The following MECOM variants were observed in gnomAD, a reference collection of about 807,000 sequenced individuals.
MECOM encodes histone-lysine N-methyltransferase MECOM.
In MECOM, 13 loss-of-function variants were observed where a neutral mutation model predicts 116.3. The observed-to-expected ratio is 0.11, with a 90% CI of 0.07 to 0.18. The LOEUF is 0.18. Among genes scored for constraint, MECOM ranks in the 10% least tolerant of loss-of-function variants. MECOM has a pLI of 1.00. For synonymous variants in MECOM, 528 were observed against 535.2 expected, an observed-to-expected ratio of 0.99 and a Z score of 0.19; for missense variants, 1,299 against 1,509.0, an observed-to-expected ratio of 0.86 and a Z score of 2.31.
chr3:169,211,902 AC>A (rs1750776276), intron 2 of MECOM, among the ~76,000 whole-genome samples: 1 of 151,864 alleles, frequency 6.6e-6, no homozygotes, highest in East Asian at 1.9e-4. Context: ...CTTTTGAAGT[AC>A]CCTCCTCCCT....
At chr3:169,566,061 G>C in intron 1 of MECOM, 1 of 376,228 alleles carries the variant, frequency 2.7e-6, no homozygotes, top group Non-Finnish European at 5.2e-6. Context: ...AGGCAGGAGA[G>C]AGAAAGAGCA....
chr3:169,555,624 C>G (rs2109332152), intron 1 of MECOM, among the ~76,000 whole-genome samples: 1 of 152,264 alleles, frequency 6.6e-6, no homozygotes, highest in East Asian at 1.9e-4. Context: ...TCTTGAATGC[C>G]CAGCCTGACC....
rs539118127 is a variant in MECOM, at chr3:169,095,816, C to G, written c.2850-571G>C. On this transcript the variant is annotated intron_variant, in intron 12 of 16. Transcript: ENST00000651503. Reference sequence around the variant, plus strand: ...TACCCAAGAATCAGCTACCACAAAGCCTTTTCTCTGTTAATCTTTAAACTG... The same window carrying G: ...TACCCAAGAATCAGCTACCACAAAGGCTTTTCTCTGTTAATCTTTAAACTG... Among the ~76,000 whole-genome samples the G allele has an allele frequency of 5.9e-5, 9 of 152,060 alleles. No homozygotes were observed. The South Asian group carries it at 1.2e-3, about 21-fold the overall frequency.
chr3:169,409,812 C>A (rs888273048), intron 1 of MECOM, among the ~76,000 whole-genome samples: 1 of 152,162 alleles, frequency 6.6e-6, no homozygotes. Flanking sequence ...GAAGAGCATG[C>A]ATCCATTGAA....
chr3:169,249,454 C>T (rs553576767), intron 2 of MECOM, among the ~76,000 whole-genome samples: 1 of 152,300 alleles, frequency 6.6e-6, no homozygotes, highest in South Asian at 2.1e-4. Context: ...GGCTCCCGGT[C>T]CAAGGCAGAG....
chr3:169,480,027 T>C (rs538076553), intron 1 of MECOM, among the ~76,000 whole-genome samples: 1 of 152,312 alleles, frequency 6.6e-6, no homozygotes, highest in Admixed American at 6.5e-5. Context: ...CTTTCCACAG[T>C]GAAGACAATG....
intron 1 of MECOM, among the ~76,000 whole-genome samples, chr3:169,403,240 G>T (rs1214717748): frequency 6.6e-6 from 1 of 152,096 alleles, no homozygotes; most frequent in African/African-American, 2.4e-5. Context: ...AAGGAGATCT[G>T]ATCCTTCCCC....
chr3:169,612,293 AC>A (rs970669820), intron 1 of MECOM, among the ~76,000 whole-genome samples: 1 of 152,184 alleles, frequency 6.6e-6, no homozygotes, highest in African/African-American at 2.4e-5. Flanking sequence ...AATCATGGCT[AC>A]CCCTTTAGAT....
At chr3:169,570,528 C>T (rs1038663757) in intron 1 of MECOM, among the ~76,000 whole-genome samples, 2 of 152,060 alleles carry the variant, frequency 1.3e-5, no homozygotes, top group East Asian at 1.9e-4. Context: ...CTGAAAAAGA[C>T]ACATTAAAAA....
intron 1 of MECOM, among the ~76,000 whole-genome samples, chr3:169,398,844 G>T (rs549217534): frequency 1.3e-5 from 2 of 152,138 alleles, no homozygotes; most frequent in African/African-American, 4.8e-5. Flanking sequence ...AAAAAGCAGG[G>T]TGAAATGTAT....
chr3:169,475,310 G>A (rs1265138284), intron 1 of MECOM, among the ~76,000 whole-genome samples: 1 of 152,124 alleles, frequency 6.6e-6, no homozygotes, highest in Non-Finnish European at 1.5e-5. Context: ...TTCTAACCCT[G>A]ACAAGCAGCA....
intron 1 of MECOM, among the ~76,000 whole-genome samples, chr3:169,495,462 G>A (rs1272132513): frequency 6.6e-6 from 1 of 152,122 alleles, no homozygotes; most frequent in East Asian, 1.9e-4. Context: ...TTACACACCT[G>A]TCTTTTTAGT....
intron 2 of MECOM, among the ~76,000 whole-genome samples, chr3:169,308,803 CTTG>C (rs1199460732): frequency 6.6e-6 from 1 of 152,164 alleles, no homozygotes; most frequent in Non-Finnish European, 1.5e-5. Context: ...CCTGAGTGAG[CTTG>C]TTATGATCAA....
At chr3:169,285,939 G>A (rs374123231) in intron 2 of MECOM, among the ~76,000 whole-genome samples, 22 of 152,298 alleles carry the variant, frequency 1.4e-4, no homozygotes, top group African/African-American at 5.1e-4. Flanking sequence ...CGCTGTGAAT[G>A]TACTTTTGTG....
intron 2 of MECOM, among the ~76,000 whole-genome samples, chr3:169,158,043 C>T (rs1742267080): frequency 6.6e-6 from 1 of 151,178 alleles, no homozygotes; most frequent in South Asian, 2.1e-4. Context: ...TACATTGTGC[C>T]TTATACAATT....
intron 1 of MECOM, among the ~76,000 whole-genome samples, chr3:169,641,989 A>G (rs1412842450): frequency 6.6e-6 from 1 of 152,270 alleles, no homozygotes; most frequent in Non-Finnish European, 1.5e-5. Context: ...TTTACCAGTG[A>G]TCTGTCATTG....
intron 1 of MECOM, among the ~76,000 whole-genome samples, chr3:169,514,255 A>G (rs1756344035): frequency 6.6e-6 from 1 of 152,134 alleles, no homozygotes; most frequent in Non-Finnish European, 1.5e-5. Flanking sequence ...GTAGGAAAAG[A>G]CACACTAACA....
At chr3:169,268,225 G>A (rs939095656) in intron 2 of MECOM, among the ~76,000 whole-genome samples, 9 of 152,088 alleles carry the variant, frequency 5.9e-5, no homozygotes, top group Non-Finnish European at 1.2e-4. Flanking sequence ...AGTTTATGGC[G>A]ACAAACAGTG....
At chr3:169,575,296 G>A (rs1764360499) in intron 1 of MECOM, among the ~76,000 whole-genome samples, 1 of 152,166 alleles carries the variant, frequency 6.6e-6, no homozygotes, top group Non-Finnish European at 1.5e-5. Flanking sequence ...ACTAAAAGCA[G>A]TGACTCCCTT....
Sources: gnomAD v4.1 joint callset for allele counts (sites outside exome capture counted in the v4.1 genomes callset) on GRCh38, gnomAD v4.1.1 for gene constraint, MANE v1.5 for transcripts, NCBI Gene and HGNC (gene_info 2026-07-23, HGNC 2026-07-21) for gene names.